The following RGS20 variants were observed in gnomAD, a reference collection of about 807,000 sequenced individuals.
RGS20 encodes regulator of G protein signaling 20, also known as gz-selective GTPase-activating protein.
In RGS20, 30 loss-of-function variants were observed where a neutral mutation model predicts 33.6. That is an observed-to-expected ratio of 0.89 (90% CI 0.67 to 1.21). The LOEUF is 1.21. RGS20 is among the 50% of genes most tolerant of loss of function. The pLI is 0.00. For missense variants in RGS20, 472 were observed against 502.4 expected, an observed-to-expected ratio of 0.94 and a Z score of 0.58; for synonymous variants, 208 against 197.9, an observed-to-expected ratio of 1.05 and a Z score of -0.43.
At chr8:53,866,008 T>C (rs1792173699) in intron 1 of RGS20, among the ~76,000 whole-genome samples, 3 of 152,118 alleles carry the variant, frequency 2.0e-5, no homozygotes, top group African/African-American at 7.2e-5. Flanking sequence ...ATACAGAGCA[T>C]GCAGGCAACC....
At chr8:53,947,821 TAC>T (rs1206160599) in intron 4 of RGS20, among the ~76,000 whole-genome samples, 15 of 137,904 alleles carry the variant, frequency 1.1e-4, no homozygotes, top group Admixed American at 5.3e-4. Context: ...ATATAGTATA[TAC>T]ATTTATATAT....
intron 2 of RGS20, among the ~76,000 whole-genome samples, chr8:53,932,841 G>C (rs1814011274): frequency 1.3e-5 from 2 of 152,186 alleles, no homozygotes; most frequent in South Asian, 4.1e-4. Context: ...ACACCTCCCA[G>C]CAGGGGTCGA....
At chr8:53,907,081 T>TAA (rs1218115251) in intron 2 of RGS20, among the ~76,000 whole-genome samples, 1 of 152,176 alleles carries the variant, frequency 6.6e-6, no homozygotes, top group Non-Finnish European at 1.5e-5. Flanking sequence ...TCCCATCAAT[T>TAA]AACTCTGTAG....
chr8:53,853,049 A>T (rs1015994322), intron 1 of RGS20, among the ~76,000 whole-genome samples: 2 of 152,200 alleles, frequency 1.3e-5, no homozygotes, highest in African/African-American at 4.8e-5. Context: ...CACACCGCCT[A>T]TTATCATCTA....
intron 1 of RGS20, among the ~76,000 whole-genome samples, chr8:53,863,968 C>T (rs1811865433): frequency 6.6e-6 from 1 of 151,932 alleles, no homozygotes; most frequent in African/African-American, 2.4e-5. Flanking sequence ...ACCTCGTGAT[C>T]TGCCTTCCTC....
chr8:53,886,280 C>A (rs552688596), intron 2 of RGS20, among the ~76,000 whole-genome samples: 2 of 152,264 alleles, frequency 1.3e-5, no homozygotes, highest in South Asian at 4.1e-4. Flanking sequence ...TGAATGGGCT[C>A]TTGGAGAGGC....
At chr8:53,854,574 T>C (rs1040303192) in intron 1 of RGS20, among the ~76,000 whole-genome samples, 1 of 150,350 alleles carries the variant, frequency 6.7e-6, no homozygotes, top group African/African-American at 2.4e-5. Context: ...ATAGTGACTA[T>C]AAAAATGGCT....
intron 2 of RGS20, among the ~76,000 whole-genome samples, chr8:53,902,198 G>A (rs1813051130): frequency 1.3e-5 from 2 of 152,004 alleles, no homozygotes; most frequent in African/African-American, 4.8e-5. Context: ...GCTTCTTTTT[G>A]TAGAGACAGG....
chr8:53,895,793 C>T (rs558433383), intron 2 of RGS20, among the ~76,000 whole-genome samples: 5 of 151,810 alleles, frequency 3.3e-5, no homozygotes, highest in East Asian at 2.0e-4. Context: ...TACAGGCACC[C>T]GGAACCATGC....
At chr8:53,948,148 A>G (rs1404016352) in intron 4 of RGS20, among the ~76,000 whole-genome samples, 1 of 135,566 alleles carries the variant, frequency 7.4e-6, no homozygotes, top group Admixed American at 7.9e-5. Flanking sequence ...TATATGATAT[A>G]GTATATATAT....
At chr8:53,936,622 A>C (rs1356603862) in intron 2 of RGS20, among the ~76,000 whole-genome samples, 1 of 152,216 alleles carries the variant, frequency 6.6e-6, no homozygotes, top group African/African-American at 2.4e-5. Flanking sequence ...ATGGAAAAAC[A>C]TTCCATGCTC....
At chr8:53,852,312 T>G (rs1367052401) in intron 1 of RGS20, among the ~76,000 whole-genome samples, 1 of 152,260 alleles carries the variant, frequency 6.6e-6, no homozygotes, top group Non-Finnish European at 1.5e-5. Context: ...CTTTTTTGTT[T>G]GTTTGCTTGT....
chr8:53,854,112 A>C (rs1283469568), intron 1 of RGS20, among the ~76,000 whole-genome samples: 1 of 152,146 alleles, frequency 6.6e-6, no homozygotes, highest in East Asian at 1.9e-4. Flanking sequence ...TTACAACTAC[A>C]CGGAGAACTA....
At chr8:53,920,197 C>G (rs1813602824) in intron 2 of RGS20, among the ~76,000 whole-genome samples, 2 of 152,104 alleles carry the variant, frequency 1.3e-5, no homozygotes. Flanking sequence ...TCTTTACTTT[C>G]AACAATCGTT....
In RGS20 at chr8:53,877,277, G is replaced by A. The variant is rs1215859537; in HGVS notation, c.166-1981G>A. On this transcript the variant is annotated intron_variant, in intron 1 of 5. Coordinates refer to ENST00000297313, the MANE Select transcript of RGS20 (RefSeq NM_170587.4). This position sits in a 1 kb window ranked among gnomAD's most constrained non-coding sequence, Gnocchi z 5.7. ...GGTCCTCTCTCGACTTCTTAGCGTGGGGTCCCGCCGGCCCTGCCGCCCGTG... is the reference window on the plus strand; with the variant it reads ...GGTCCTCTCTCGACTTCTTAGCGTGAGGTCCCGCCGGCCCTGCCGCCCGTG... Among the ~76,000 whole-genome samples the A allele has an allele frequency of 6.6e-6, 1 of 152,216 alleles. No individual in the cohort carries two copies. Among genetic ancestry groups the A allele is most frequent in the Non-Finnish European group, 1.5e-5 (1 of 68,026 alleles).
chr8:53,874,178 C>CAGAAAAA (rs1010996093), intron 1 of RGS20, among the ~76,000 whole-genome samples: 3 of 151,834 alleles, frequency 2.0e-5, no homozygotes, highest in African/African-American at 7.3e-5. Context: ...GACTCCGTCT[C>CAGAAAAA]AGAAAAAAGA....
chr8:53,858,516 A>T (rs1400902799), intron 1 of RGS20, among the ~76,000 whole-genome samples: 1 of 151,928 alleles, frequency 6.6e-6, no homozygotes, highest in East Asian at 1.9e-4. Context: ...ACACACACAC[A>T]TCCTTTTAAA....
chr8:53,917,502 A>T (rs1429864823), intron 2 of RGS20, among the ~76,000 whole-genome samples: 1 of 152,164 alleles, frequency 6.6e-6, no homozygotes, highest in East Asian at 1.9e-4. Flanking sequence ...TTTTCCTTAT[A>T]TTAAACTCCT....
At chr8:53,900,175 T>C (rs946369669) in intron 2 of RGS20, among the ~76,000 whole-genome samples, 3 of 152,116 alleles carry the variant, frequency 2.0e-5, no homozygotes, top group African/African-American at 7.2e-5. Flanking sequence ...TTACAGTCTT[T>C]TTTTCCCCTA....
Sources: allele counts gnomAD v4.1 joint callset (sites outside exome capture counted in the v4.1 genomes callset), GRCh38; gene constraint gnomAD v4.1.1; non-coding constraint Gnocchi (gnomAD v3.1); transcripts MANE v1.5; gene names NCBI Gene and HGNC (gene_info 2026-07-23, HGNC 2026-07-21).